Variants in ZNF563 observed in about 807,000 individuals in gnomAD.
The protein encoded by ZNF563 is zinc finger protein 563.
ZNF563 carries 39 observed loss-of-function variants against 48.5 expected under a neutral mutation model. The observed-to-expected ratio is 0.80, with a 90% CI of 0.62 to 1.05. The LOEUF (loss-of-function observed/expected upper bound fraction) is 1.05, where lower values mean the gene tolerates loss of function less well. Among genes scored for constraint, ZNF563 ranks in the 50% least tolerant of loss-of-function variants. The pLI is 0.00. For missense variants in ZNF563, 538 were observed against 597.0 expected, an observed-to-expected ratio of 0.90 and a Z score of 1.03; for synonymous variants, 168 against 187.9, an observed-to-expected ratio of 0.89 and a Z score of 0.87.
chr19:12,344,745 G>A, the ZNF563 span, among the ~76,000 whole-genome samples: 9 of 151,984 alleles, frequency 5.9e-5, no homozygotes, highest in Non-Finnish European at 1.0e-4. Context: ...GAAATAAAAG[G>A]AATCCAAATT....
chr19:12,324,050 C>T (rs903620206), intron 1 of ZNF563, among the ~76,000 whole-genome samples: 5 of 152,082 alleles, frequency 3.3e-5, no homozygotes, highest in African/African-American at 1.2e-4. Flanking sequence ...CTAAAACAGA[C>T]CTAAATAACC....
At chr19:12,344,270 A>G in the ZNF563 span, among the ~76,000 whole-genome samples, 1 of 150,754 alleles carries the variant, frequency 6.6e-6, no homozygotes, top group Non-Finnish European at 1.5e-5. Context: ...GCATGTGCCT[A>G]TGGTCCCAGC....
At chr19:12,338,079 G>C (rs946045815), upstream of ZNF563, among the ~76,000 whole-genome samples, 6 of 152,046 alleles carry the variant, frequency 3.9e-5, no homozygotes, top group African/African-American at 1.4e-4. Flanking sequence ...TCCAGCTTTG[G>C]CAACAGAGTG....
intron 1 of ZNF563, among the ~76,000 whole-genome samples, chr19:12,326,996 T>C (rs1355702250): frequency 1.3e-5 from 2 of 152,328 alleles, no homozygotes; most frequent in African/African-American, 4.8e-5. Context: ...CAGTTTATTA[T>C]ACCAGCACTA....
chr19:12,333,444 T>C, intron 1 of ZNF563, 36 bp downstream of exon 1: 1 of 1,613,008 alleles, frequency 6.2e-7, no homozygotes, highest in Non-Finnish European at 8.5e-7. Context: ...AACCAGCTCT[T>C]TCCCACTTTT....
the ZNF563 span, among the ~76,000 whole-genome samples, chr19:12,343,724 TC>T: frequency 1.9e-3 from 277 of 146,978 alleles, 4 homozygotes; most frequent in South Asian, 0.027. Flanking sequence ...AAGCATAAAT[TC>T]TTTTTTTTTT....
chr19:12,346,473 C>T, the ZNF563 span: 4 of 152,118 alleles, frequency 2.6e-5, no homozygotes, highest in Admixed American at 2.6e-4. Context: ...AATAGAAACC[C>T]TTATGCATTG....
At chr19:12,329,889 T>C (rs1160470662) in intron 1 of ZNF563, among the ~76,000 whole-genome samples, 7 of 151,978 alleles carry the variant, frequency 4.6e-5, no homozygotes, top group Admixed American at 4.6e-4. Flanking sequence ...AAAACAGAAG[T>C]AGGTAGGTAG....
rs746590479 is a variant in ZNF563 at position 12,319,598 on chromosome 19, G to A, written c.427C>T (p.His143Tyr). Reference sequence around the variant, plus strand: ...CTGAAGGCTTTCCCACGTTGTTTATGTGTATGTGGCTTCTCTCCATATTCC... The same window carrying A: ...CTGAAGGCTTTCCCACGTTGTTTATATGTATGTGGCTTCTCTCCATATTCC... ...YQEYGEKPHT[H>Y]KQRGKAFSYH... The change falls in exon 4 of 4, where the codon CAT becomes TAT. Residue 143 changes from histidine to tyrosine, a missense_variant. Transcript: ENST00000293725. The A allele has an allele frequency of 6.2e-7, 1 of 1,614,198 alleles. No homozygotes were observed. The highest frequency in any genetic ancestry group is 1.1e-5 in the South Asian group (1 of 91,080).
chr19:12,321,148 A>AG (rs1258052065), intron 3 of ZNF563, 124 bp downstream of exon 3: 1 of 681,098 alleles, frequency 1.5e-6, no homozygotes, highest in African/African-American at 1.9e-5. Flanking sequence ...TAAAAAAAAA[A>AG]GTTAATTTAA....
intron 1 of ZNF563, among the ~76,000 whole-genome samples, chr19:12,323,743 C>T (rs1164046794): frequency 6.6e-6 from 1 of 152,200 alleles, no homozygotes; most frequent in Admixed American, 6.5e-5. Flanking sequence ...TAATGAGAGA[C>T]CCTGGTAGAT....
upstream of ZNF563, among the ~76,000 whole-genome samples, chr19:12,337,524 A>G (rs907627874): frequency 2.6e-5 from 4 of 152,184 alleles, no homozygotes; most frequent in African/African-American, 9.7e-5. Context: ...CTTTCTGGAA[A>G]AAGGCTTTTA....
At chr19:12,321,845 C>T (rs1205223842) in intron 2 of ZNF563, among the ~76,000 whole-genome samples, 2 of 152,052 alleles carry the variant, frequency 1.3e-5, no homozygotes, top group Admixed American at 6.6e-5. Context: ...AAGATCAATC[C>T]CTCCTCTTAC....
intron 2 of ZNF563, among the ~76,000 whole-genome samples, chr19:12,322,253 A>C (rs1385046013): frequency 6.6e-6 from 1 of 151,910 alleles, no homozygotes; most frequent in Non-Finnish European, 1.5e-5. Flanking sequence ...ATGGGGTTTC[A>C]CCACGTTGGT....
In ZNF563 at chr19:12,321,946, C is replaced by G. The variant is rs1171793469; in HGVS notation, c.131-614G>C. Among the ~76,000 whole-genome samples the G allele has an allele frequency of 2.6e-5, 4 of 152,050 alleles. No homozygotes were observed. In the South Asian group the frequency reaches 6.2e-4, roughly 24 times the overall value. On this transcript the variant is annotated intron_variant, in intron 2 of 3. Coordinates refer to ENST00000293725, the MANE Select transcript of ZNF563 (RefSeq NM_145276.3). ...ATAGTTTCTCTTCTTTATGATTTTCCTATCAATATTTTCTTTCTCTAGTTC... is the reference window on the plus strand; with the variant it reads ...ATAGTTTCTCTTCTTTATGATTTTCGTATCAATATTTTCTTTCTCTAGTTC...
chr19:12,321,174 A>C, intron 3 of ZNF563, 98 bp downstream of exon 3: 1 of 860,046 alleles, frequency 1.2e-6, no homozygotes, highest in Non-Finnish European at 1.8e-6. Flanking sequence ...TAAAAAATAA[A>C]TTTAAGCTGG....
chr19:12,339,610 A>G, the ZNF563 span, among the ~76,000 whole-genome samples: 3 of 151,828 alleles, frequency 2.0e-5, 1 homozygote, highest in East Asian at 5.8e-4. Flanking sequence ...CAAAATAGCC[A>G]CTCTATACAG....
In ZNF563 at chr19:12,318,451, G is replaced by T; in HGVS notation, c.*143C>A. On this transcript the variant is annotated 3_prime_UTR_variant, in exon 4 of 4. Transcript: ENST00000293725. ...TTATATCATACAGCATCTCTCCAGTGTGAGATATTTCATGATTTTGAAAGG... is the reference window on the plus strand; with the variant it reads ...TTATATCATACAGCATCTCTCCAGTTTGAGATATTTCATGATTTTGAAAGG... 1.1e-6 allele frequency: 1 copy of T among 940,848 alleles called. No homozygotes were observed. The highest frequency in any genetic ancestry group is 1.6e-6 in the Non-Finnish European group (1 of 639,682). The allele number at this position is 940,848 out of a possible 1,614,324, so 58.3% of individuals were successfully genotyped here.
At chr19:12,342,419 C>G in the ZNF563 span, among the ~76,000 whole-genome samples, 1 of 151,340 alleles carries the variant, frequency 6.6e-6, no homozygotes, top group South Asian at 2.1e-4. Flanking sequence ...ACCAATGGGT[C>G]AAATGAGAAA....
Sources: gnomAD v4.1 joint callset for allele counts (sites outside exome capture counted in the v4.1 genomes callset) on GRCh38, gnomAD v4.1.1 for gene constraint, MANE v1.5 for transcripts, NCBI Gene and HGNC (gene_info 2026-07-23, HGNC 2026-07-21) for gene names.